Variants in CCDC60 observed in about 807,000 individuals in gnomAD.
The protein encoded by CCDC60 is coiled-coil domain containing 60, also known as coiled-coil domain-containing protein 60.
A neutral mutation model predicts 63.5 loss-of-function variants in CCDC60; 54 were observed. The observed-to-expected ratio is 0.85, with a 90% CI of 0.68 to 1.07. The LOEUF (loss-of-function observed/expected upper bound fraction) is 1.07. CCDC60 is among the 50% of genes least tolerant of loss of function. The pLI is 0.00. For synonymous variants in CCDC60, 206 were observed against 238.8 expected, an observed-to-expected ratio of 0.86 and a Z score of 1.27; for missense variants, 651 against 684.3, an observed-to-expected ratio of 0.95 and a Z score of 0.54.
At chr12:119,526,397 G>T (rs1952677864) in intron 11 of CCDC60, among the ~76,000 whole-genome samples, 1 of 152,108 alleles carries the variant, frequency 6.6e-6, no homozygotes, top group Non-Finnish European at 1.5e-5. Flanking sequence ...TGCAACAAAA[G>T]CAAAAATTGA....
chr12:119,360,786 G>T (rs1324275422), intron 1 of CCDC60, among the ~76,000 whole-genome samples: 2 of 152,162 alleles, frequency 1.3e-5, no homozygotes, highest in Non-Finnish European at 2.9e-5. Context: ...AAGGCAGGCG[G>T]CTGGGAGGTG....
chr12:119,537,180 C>G (rs1312015253), intron 13 of CCDC60, among the ~76,000 whole-genome samples: 6 of 152,198 alleles, frequency 3.9e-5, no homozygotes. Flanking sequence ...CACTGATACC[C>G]TTTCTTCCAC....
intron 1 of CCDC60, among the ~76,000 whole-genome samples, chr12:119,372,472 C>T (rs532077296): frequency 6.6e-6 from 1 of 152,276 alleles, no homozygotes; most frequent in African/African-American, 2.4e-5. Flanking sequence ...CCTCCCATAG[C>T]GTGGCTTCCA....
In CCDC60 at chr12:119,456,060, A is replaced by AAAGCAAGCCAGCAAGC. The variant is rs1950743013; in HGVS notation, c.171-15926_171-15925insCAGCAAGCAAGCAAGC. On this transcript the variant is annotated intron_variant, in intron 2 of 13. Transcript: ENST00000327554. This position sits in a 1 kb window ranked among gnomAD's most constrained non-coding sequence, Gnocchi z 4.6. ...GAAAGAAAGAAAGAAAGAAAGAAAGAAAGCAAGCAAGCATGTGCAATTTCA... is the reference window on the plus strand; with the variant it reads ...GAAAGAAAGAAAGAAAGAAAGAAAGAAAGCAAGCCAGCAAGCAAGCAAGCAAGCATGTGCAATTTCA... Among the ~76,000 whole-genome samples the AAAGCAAGCCAGCAAGC allele has an allele frequency of 8.4e-6, 1 of 118,784 alleles. No homozygotes were observed. 77.9% of individuals were successfully genotyped at this position (118,784 alleles called of 152,430 possible).
At chr12:119,347,171 A>G (rs1034075516) in intron 1 of CCDC60, among the ~76,000 whole-genome samples, 1 of 152,114 alleles carries the variant, frequency 6.6e-6, no homozygotes, top group Non-Finnish European at 1.5e-5. Flanking sequence ...TGTATAAGCC[A>G]TTTCTAATTA....
At chr12:119,379,193 C>T (rs1215322495) in intron 1 of CCDC60, among the ~76,000 whole-genome samples, 1 of 152,242 alleles carries the variant, frequency 6.6e-6, no homozygotes, top group Non-Finnish European at 1.5e-5. Context: ...GATCATGAAA[C>T]ACATATGCCA....
chr12:119,383,148 C>T (rs1334972630), intron 1 of CCDC60, among the ~76,000 whole-genome samples: 1 of 152,184 alleles, frequency 6.6e-6, no homozygotes, highest in Non-Finnish European at 1.5e-5. Flanking sequence ...GTGGCCCACA[C>T]CTATAATCCC....
intron 2 of CCDC60, among the ~76,000 whole-genome samples, chr12:119,452,359 CT>C (rs2136284787): frequency 6.6e-6 from 1 of 152,326 alleles, no homozygotes; most frequent in African/African-American, 2.4e-5. Context: ...GCTTTTGCAT[CT>C]ATTTTCTGAT....
At position 119,540,854 on chromosome 12, in the gene CCDC60, G is replaced by A; in HGVS notation, c.*139G>A. 1.2e-5 allele frequency: 7 copies of A among 591,700 alleles called. No homozygotes were observed. Among genetic ancestry groups the A allele is most frequent in the South Asian group, 4.5e-5 (2 of 44,404 alleles). The allele number at this position is 591,700 out of a possible 1,614,324, so 36.7% of individuals were successfully genotyped here. A position where few individuals can be genotyped will look rare whatever the true frequency, so the allele number is the denominator to read the frequency against. ...TGACCCTTTACAGTAGGGTCATCTG[G>A]AGACTGACTTCCAGCAACATTTTTA... On this transcript the variant is annotated 3_prime_UTR_variant, in exon 14 of 14. Transcript: ENST00000327554.
At chr12:119,370,406 T>C (rs1392049484) in intron 1 of CCDC60, among the ~76,000 whole-genome samples, 1 of 152,246 alleles carries the variant, frequency 6.6e-6, no homozygotes, top group Non-Finnish European at 1.5e-5. Flanking sequence ...CAGAATATCA[T>C]GTCGAGTTGA....
At chr12:119,352,714 A>T (rs1015217227) in intron 1 of CCDC60, among the ~76,000 whole-genome samples, 1 of 152,138 alleles carries the variant, frequency 6.6e-6, no homozygotes, top group Non-Finnish European at 1.5e-5. Flanking sequence ...AAACAGGTGG[A>T]TCACTGAAGG....
chr12:119,457,469 G>C (rs2136297010), intron 2 of CCDC60, among the ~76,000 whole-genome samples: 1 of 152,312 alleles, frequency 6.6e-6, no homozygotes, highest in African/African-American at 2.4e-5. Context: ...AATGACCCAG[G>C]GATAGCAAGG....
intron 1 of CCDC60, among the ~76,000 whole-genome samples, chr12:119,360,107 C>T (rs866355116): frequency 7.9e-5 from 12 of 151,210 alleles, no homozygotes; most frequent in Middle Eastern, 3.5e-3. Context: ...CCAGTAGGGG[C>T]GGCCGGGCAG....
At chr12:119,376,376 G>C (rs542161335) in intron 1 of CCDC60, among the ~76,000 whole-genome samples, 1 of 152,112 alleles carries the variant, frequency 6.6e-6, no homozygotes, top group East Asian at 1.9e-4. Context: ...GCCTGTAATC[G>C]CAGCACTTTG....
chr12:119,539,870 G>GT (rs761942112), intron 13 of CCDC60, among the ~76,000 whole-genome samples: 1 of 152,220 alleles, frequency 6.6e-6, no homozygotes, highest in Non-Finnish European at 1.5e-5. Context: ...GAAAAGCGTA[G>GT]TATCTGGGCC....
chr12:119,436,506 G>A (rs568309258), intron 2 of CCDC60, among the ~76,000 whole-genome samples: 1 of 151,088 alleles, frequency 6.6e-6, no homozygotes, highest in East Asian at 2.0e-4. Context: ...AGCAAGCAAA[G>A]AGAAGCAAGC....
intron 4 of CCDC60, among the ~76,000 whole-genome samples, chr12:119,483,242 C>A (rs953985248): frequency 1.3e-5 from 2 of 152,208 alleles, no homozygotes; most frequent in African/African-American, 4.8e-5. Context: ...CATCAGTCTA[C>A]CAAAAGGCAC....
At chr12:119,486,782 C>T (rs1054372360) in intron 4 of CCDC60, among the ~76,000 whole-genome samples, 2 of 152,000 alleles carry the variant, frequency 1.3e-5, no homozygotes, top group Non-Finnish European at 2.9e-5. Flanking sequence ...GCCGGGATAA[C>T]CCTGGGCCAG....
At chr12:119,401,855 T>G (rs777364165) in intron 1 of CCDC60, among the ~76,000 whole-genome samples, 2 of 152,220 alleles carry the variant, frequency 1.3e-5, no homozygotes, top group Non-Finnish European at 2.9e-5. Flanking sequence ...ATTTTACCAG[T>G]GGGACCAATG....
Sources: allele counts gnomAD v4.1 joint callset (sites outside exome capture counted in the v4.1 genomes callset), GRCh38; gene constraint gnomAD v4.1.1; non-coding constraint Gnocchi (gnomAD v3.1); transcripts MANE v1.5; gene names NCBI Gene and HGNC (gene_info 2026-07-23, HGNC 2026-07-21).